Variants in AGBL1 observed in about 807,000 individuals in gnomAD.
AGBL1 encodes the protein AGBL carboxypeptidase 1.
In AGBL1, 130 loss-of-function variants were observed where a neutral mutation model predicts 118.9. The observed-to-expected ratio is 1.09, with a 90% CI of 0.95 to 1.26. The LOEUF (loss-of-function observed/expected upper bound fraction) is 1.26, where lower values mean the gene tolerates loss of function less well. Ranked by LOEUF, AGBL1 falls within the 50% of genes most tolerant of loss-of-function variation. The probability of loss-of-function intolerance (pLI) is 0.00; values close to 1 mark genes in which losing one functional copy is unlikely to be tolerated. For synonymous variants in AGBL1, 555 were observed against 478.9 expected, an observed-to-expected ratio of 1.16 and a Z score of -2.08; for missense variants, 1,584 against 1,298.1, an observed-to-expected ratio of 1.22 and a Z score of -3.38.
chr15:86,196,990 C>G (rs1312165572), intron 5 of AGBL1, among the ~76,000 whole-genome samples: 3 of 151,580 alleles, frequency 2.0e-5, no homozygotes, highest in Non-Finnish European at 4.4e-5. Context: ...GAGAATTCAC[C>G]AGAAACCAAC....
intron 18 of AGBL1, among the ~76,000 whole-genome samples, chr15:86,453,791 G>A (rs1227371946): frequency 2.0e-5 from 3 of 152,070 alleles, no homozygotes; most frequent in East Asian, 1.9e-4. Context: ...TAAAAGCACC[G>A]ACAAAACCCC....
chr15:86,805,922 T>C (rs992925013), intron 22 of AGBL1, among the ~76,000 whole-genome samples: 1 of 152,128 alleles, frequency 6.6e-6, no homozygotes, highest in African/African-American at 2.4e-5. Context: ...AACACTACAG[T>C]TAGAGCTCTG....
chr15:87,028,999 T>A (rs1596758753), exon 25 of AGBL1: 6 of 681,308 alleles, frequency 8.8e-6, no homozygotes, highest in Non-Finnish European at 1.2e-5. Context: ...TATATCTACC[T>A]CCATAAGAAA....
intron 18 of AGBL1, among the ~76,000 whole-genome samples, chr15:86,433,885 C>T (rs1026802353): frequency 6.6e-6 from 1 of 152,110 alleles, no homozygotes; most frequent in Non-Finnish European, 1.5e-5. Flanking sequence ...GGAATGTGTC[C>T]CTGTGGCCTT....
intron 5 of AGBL1, among the ~76,000 whole-genome samples, chr15:86,185,012 A>C (rs189806345): frequency 2.0e-5 from 3 of 152,338 alleles, no homozygotes; most frequent in African/African-American, 7.2e-5. Context: ...CAGTCTACTC[A>C]TCTGAAAGGG....
intron 22 of AGBL1, among the ~76,000 whole-genome samples, chr15:86,752,828 A>G (rs995144829): frequency 1.3e-5 from 2 of 152,122 alleles, no homozygotes; most frequent in Non-Finnish European, 2.9e-5. Flanking sequence ...GTAGCTATTT[A>G]TTTAGTAAAT....
At chr15:87,008,951 A>C (rs1215295401) in intron 24 of AGBL1, among the ~76,000 whole-genome samples, 1 of 152,208 alleles carries the variant, frequency 6.6e-6, no homozygotes, top group Admixed American at 6.5e-5. Context: ...CAGTTTTAAA[A>C]GGGAAACAGA....
At position 86,962,777 on chromosome 15, in the gene AGBL1, T is replaced by C. The variant is rs2081006165; in HGVS notation, c.3222-25210T>C. On this transcript the variant is annotated intron_variant, in intron 23 of 24. Coordinates refer to the AGBL1 transcript ENST00000441037. The stretch of plus-strand genomic sequence containing the variant: ...GGAAGGTTAGCATCACTGTGGATCT[T>C]GTTAGAAATGTGGAAACTCTGGTCC... Among the ~76,000 whole-genome samples, 3 of 152,070 alleles carry C rather than the reference T, an allele frequency of 2.0e-5. No homozygotes were observed. In the South Asian group the frequency reaches 6.2e-4, roughly 31 times the overall value.
At chr15:86,202,434 A>C (rs1199000642) in intron 5 of AGBL1, among the ~76,000 whole-genome samples, 1 of 152,136 alleles carries the variant, frequency 6.6e-6, no homozygotes, top group African/African-American at 2.4e-5. Context: ...TGCTATAGAG[A>C]TCAGAAGACC....
chr15:87,002,095 G>A (rs2081445783), intron 24 of AGBL1, among the ~76,000 whole-genome samples: 1 of 152,010 alleles, frequency 6.6e-6, no homozygotes, highest in South Asian at 2.1e-4. Flanking sequence ...TTTCTTCTAG[G>A]GTTTTTATGG....
At chr15:86,799,524 CCTT>C (rs758277298) in intron 22 of AGBL1, among the ~76,000 whole-genome samples, 6 of 152,034 alleles carry the variant, frequency 3.9e-5, no homozygotes, top group African/African-American at 7.2e-5. Context: ...TCTTAACACT[CCTT>C]CTCACTCATT....
chr15:86,731,074 G>A (rs907267561), intron 22 of AGBL1, among the ~76,000 whole-genome samples: 6 of 152,110 alleles, frequency 3.9e-5, no homozygotes, highest in East Asian at 1.9e-4. Context: ...CAGGTGATCC[G>A]CCCGTCTTGG....
Position 86,882,874 on chromosome 15 carries a change from A to G in AGBL1, c.3159-24213A>G, listed in dbSNP as rs74027144. Among the ~76,000 whole-genome samples, 659 of 152,338 alleles carry G rather than the reference A, an allele frequency of 4.3e-3. 2 individuals are homozygous for G. Among genetic ancestry groups the G allele is most frequent in the African/African-American group, 0.015 (623 of 41,582 alleles). ...TTTTCTCTCTTTTCTTTTTAAAAACATATTTCCAATGAAAATAGTACTAGA... is the reference window on the plus strand; with the variant it reads ...TTTTCTCTCTTTTCTTTTTAAAAACGTATTTCCAATGAAAATAGTACTAGA... On this transcript the variant is annotated intron_variant, in intron 22 of 22. Coordinates refer to ENST00000614907, the MANE Select transcript of AGBL1 (RefSeq NM_001386094.1).
intron 22 of AGBL1, among the ~76,000 whole-genome samples, chr15:86,713,834 TA>T (rs1235001178): frequency 3.9e-5 from 6 of 151,932 alleles, no homozygotes; most frequent in South Asian, 2.1e-4. Flanking sequence ...TAAAATCAAA[TA>T]AATCATGAAA....
chr15:86,264,480 A>G lies in AGBL1; in HGVS notation c.1309A>G (p.Asn437Asp). Residue 437 changes from asparagine to aspartate, a missense_variant, in exon 11 of 23, where the codon AAC becomes GAC. Transcript: ENST00000614907. ...AGGCTCCAAAAAAAATCCTGGAGTGAACCTGTACCAAAATGTGCAATCCAA... is the reference window on the plus strand; with the variant it reads ...AGGCTCCAAAAAAAATCCTGGAGTGGACCTGTACCAAAATGTGCAATCCAA... Reference protein sequence around the residue: ...HLGSKKNPGVNLYQNVQSNSL... With the variant: ...HLGSKKNPGVDLYQNVQSNSL... The G allele has an allele frequency of 6.2e-7, 1 of 1,614,050 alleles. No homozygotes were observed. Among genetic ancestry groups the G allele is most frequent in the Non-Finnish European group, 8.5e-7 (1 of 1,179,890 alleles).
chr15:86,566,496 A>T (rs1455790933), intron 21 of AGBL1, among the ~76,000 whole-genome samples: 2 of 152,164 alleles, frequency 1.3e-5, no homozygotes, highest in Non-Finnish European at 2.9e-5. Flanking sequence ...GTGAATAAGG[A>T]GCAGAGTAGA....
intron 22 of AGBL1, among the ~76,000 whole-genome samples, chr15:86,753,491 G>A (rs1408915283): frequency 2.8e-5 from 4 of 144,804 alleles, no homozygotes; most frequent in East Asian, 2.1e-4. Flanking sequence ...TTTGCCTCCC[G>A]GATTCAAGCA....
At chr15:86,541,618 G>A (rs796520714) in intron 19 of AGBL1, among the ~76,000 whole-genome samples, 5,696 of 124,446 alleles carry the variant, frequency 0.046, 395 homozygotes, top group African/African-American at 0.13. Context: ...AAAAAAAAAA[G>A]AGAGAGAGAG....
chr15:86,882,086 G>A (rs2079901079), intron 22 of AGBL1, among the ~76,000 whole-genome samples: 1 of 152,124 alleles, frequency 6.6e-6, no homozygotes, highest in Non-Finnish European at 1.5e-5. Flanking sequence ...CTATGAAATT[G>A]CCCGTATCCA....
Sources: allele counts gnomAD v4.1 joint callset (sites outside exome capture counted in the v4.1 genomes callset), GRCh38; gene constraint gnomAD v4.1.1; transcripts MANE v1.5; gene names NCBI Gene and HGNC (gene_info 2026-07-23, HGNC 2026-07-21).